The following OPCML variants were observed in gnomAD, a reference collection of about 807,000 sequenced individuals.
OPCML encodes opioid binding protein/cell adhesion molecule like, also known as opioid-binding protein/cell adhesion molecule.
A neutral mutation model predicts 37.8 loss-of-function variants in OPCML; 13 were observed. That is an observed-to-expected ratio of 0.34 (90% CI 0.22 to 0.55). OPCML has a LOEUF of 0.55. OPCML is among the 20% of genes least tolerant of loss of function. The probability of loss-of-function intolerance (pLI) is 0.91; values close to 1 mark genes in which losing one functional copy is unlikely to be tolerated. For synonymous variants in OPCML, 176 were observed against 168.8 expected (o/e 1.04, Z -0.33); for missense variants, 341 against 435.6 (o/e 0.78, Z 1.93).
At chr11:132,959,444 C>T (rs138333973) in intron 1 of OPCML, among the ~76,000 whole-genome samples, 53 of 152,266 alleles carry the variant, frequency 3.5e-4, no homozygotes, top group African/African-American at 1.2e-3. Context: ...AAAGCAGCGG[C>T]GGGATTTGAG....
intron 1 of OPCML, among the ~76,000 whole-genome samples, chr11:133,479,086 G>A (rs568972912): frequency 9.2e-5 from 14 of 152,280 alleles, no homozygotes; most frequent in African/African-American, 3.4e-4. Flanking sequence ...GACTTATGTA[G>A]CGTTTAGCAC....
chr11:132,746,938 G>T (rs760789555), intron 2 of OPCML, among the ~76,000 whole-genome samples: 5 of 152,118 alleles, frequency 3.3e-5, no homozygotes, highest in Non-Finnish European at 5.9e-5. Context: ...TGACTGTGTG[G>T]CCTTGAGCAA....
rs551816856 is a variant in OPCML at position 133,176,892 on chromosome 11, G to A, written c.62-233882C>T. On this transcript the variant is annotated intron_variant, in intron 1 of 7. Transcript: ENST00000524381. Reference sequence around the variant, plus strand: ...GCCTGCAAGAACTCTGCAGCTGTCCGGCTAACAACTTGGCCAACTTTCAGC... The same window carrying A: ...GCCTGCAAGAACTCTGCAGCTGTCCAGCTAACAACTTGGCCAACTTTCAGC... 5.9e-5 allele frequency among the ~76,000 whole-genome samples: 9 copies of A among 152,244 alleles called. No homozygotes were observed. In the East Asian group the frequency reaches 7.7e-4, roughly 13 times the overall value.
chr11:133,008,319 C>G (rs1947151819), intron 1 of OPCML: 1 of 985,378 alleles, frequency 1.0e-6, no homozygotes, highest in Non-Finnish European at 1.2e-6. Flanking sequence ...TGGTAAACAA[C>G]TAAAATGAAA....
chr11:132,415,831 T>G lies in OPCML; in HGVS notation c.*4362A>C, dbSNP rs2136624185. 1 of 152,728 alleles carries G rather than the reference T, an allele frequency of 6.5e-6. No individual in the cohort carries two copies. Among genetic ancestry groups the G allele is most frequent in the South Asian group, 2.1e-4 (1 of 4,824 alleles). The allele number at this position is 152,728 out of a possible 1,614,324, so 9.5% of individuals were successfully genotyped here. A position where few individuals can be genotyped will look rare whatever the true frequency, so the allele number is the denominator to read the frequency against. On this transcript the variant is annotated 3_prime_UTR_variant, in exon 8 of 8. Coordinates refer to ENST00000524381, the MANE Select transcript of OPCML (RefSeq NM_001012393.5). ...CTATTTCTTCTTCCTTTCATTTACT[T>G]CTCTTCTCTTAAGTAAGAAATGTGG...
At chr11:132,598,015 A>G (rs1230638919) in intron 3 of OPCML, among the ~76,000 whole-genome samples, 1 of 152,048 alleles carries the variant, frequency 6.6e-6, no homozygotes, top group Non-Finnish European at 1.5e-5. Flanking sequence ...TTAAAAGGTC[A>G]TATCTTCCAC....
chr11:133,204,884 A>ATATATGTGTGTG (rs1555114210), intron 1 of OPCML, among the ~76,000 whole-genome samples: 3 of 36,286 alleles, frequency 8.3e-5, no homozygotes, highest in African/African-American at 2.5e-4. Flanking sequence ...ATATATATAT[A>ATATATGTGTGTG]TATATATATA....
intron 2 of OPCML, among the ~76,000 whole-genome samples, chr11:132,817,528 T>C (rs117954001): frequency 0.016 from 2,463 of 152,256 alleles, 26 homozygotes; most frequent in Middle Eastern, 0.027. Flanking sequence ...ATGTAGCTGA[T>C]ACTAAAGGAA....
chr11:132,632,904 G>T (rs996938161), intron 3 of OPCML, among the ~76,000 whole-genome samples: 2 of 148,738 alleles, frequency 1.3e-5, no homozygotes, highest in African/African-American at 2.5e-5. Flanking sequence ...AGCCTTTCTC[G>T]TACATCTACC....
At chr11:132,804,500 C>A (rs968774432) in intron 2 of OPCML, among the ~76,000 whole-genome samples, 1 of 152,144 alleles carries the variant, frequency 6.6e-6, no homozygotes, top group Admixed American at 6.6e-5. Context: ...TAATTAAAAG[C>A]AGAACATAGC....
At chr11:132,504,853 A>C (rs990756906) in intron 4 of OPCML, among the ~76,000 whole-genome samples, 4 of 152,010 alleles carry the variant, frequency 2.6e-5, no homozygotes, top group Non-Finnish European at 5.9e-5. Context: ...AAGGGTGTGA[A>C]TATCAGGAGG....
chr11:132,710,607 C>A (rs1377156002), intron 2 of OPCML, among the ~76,000 whole-genome samples: 1 of 151,670 alleles, frequency 6.6e-6, no homozygotes, highest in African/African-American at 2.4e-5. Flanking sequence ...AATCCCAGCA[C>A]TTTGGGAGGC....
chr11:132,630,892 T>C (rs1026465034), intron 3 of OPCML, among the ~76,000 whole-genome samples: 1 of 152,040 alleles, frequency 6.6e-6, no homozygotes, highest in Non-Finnish European at 1.5e-5. Flanking sequence ...GGGGAATGGA[T>C]AAACAAATTG....
intron 1 of OPCML, among the ~76,000 whole-genome samples, chr11:133,059,475 C>A (rs951820163): frequency 1.3e-5 from 2 of 152,192 alleles, no homozygotes; most frequent in African/African-American, 2.4e-5. Context: ...GCATGGACAA[C>A]CCCAGCACAC....
chr11:133,503,248 T>C (rs1947955192), intron 1 of OPCML, among the ~76,000 whole-genome samples: 1 of 152,218 alleles, frequency 6.6e-6, no homozygotes, highest in Non-Finnish European at 1.5e-5. Flanking sequence ...GTTGTTTCCC[T>C]GGCCCTATGA....
intron 1 of OPCML, among the ~76,000 whole-genome samples, chr11:133,018,801 T>TC (rs1565400583): frequency 6.6e-6 from 1 of 152,134 alleles, no homozygotes; most frequent in Non-Finnish European, 1.5e-5. Context: ...CGCTGTGTCG[T>TC]CCCCCCAGCA....
At chr11:132,494,250 G>A (rs12418650) in intron 4 of OPCML, among the ~76,000 whole-genome samples, 28,515 of 152,196 alleles carry the variant, frequency 0.19, 2,780 homozygotes, top group Non-Finnish European at 0.2. Context: ...TGTGAATCAT[G>A]CATATGCCTC....
At chr11:132,479,316 C>T (rs552679176) in intron 4 of OPCML, among the ~76,000 whole-genome samples, 20 of 152,076 alleles carry the variant, frequency 1.3e-4, no homozygotes, top group South Asian at 4.2e-4. Context: ...GCTTTTCCGA[C>T]GGGCTTAAAA....
intron 1 of OPCML, among the ~76,000 whole-genome samples, chr11:133,198,413 A>G (rs560868387): frequency 6.6e-6 from 1 of 152,386 alleles, no homozygotes; most frequent in South Asian, 2.1e-4. Flanking sequence ...AATCAGAACA[A>G]AAGAGACAAA....
Sources: allele counts gnomAD v4.1 joint callset (sites outside exome capture counted in the v4.1 genomes callset), GRCh38; gene constraint gnomAD v4.1.1; transcripts MANE v1.5; gene names NCBI Gene and HGNC (gene_info 2026-07-23, HGNC 2026-07-21).